Variants in MAP7 observed in about 807,000 individuals in gnomAD.
The protein encoded by MAP7 is microtubule associated protein 7.
In MAP7, 52 loss-of-function variants were observed where a neutral mutation model predicts 94.8. The observed-to-expected ratio is 0.55, with a 90% CI of 0.44 to 0.69. The LOEUF (loss-of-function observed/expected upper bound fraction) is 0.69, where lower values mean the gene tolerates loss of function less well. Among genes scored for constraint, MAP7 ranks in the 30% least tolerant of loss-of-function variants. The probability of loss-of-function intolerance (pLI) is 0.00; values close to 1 mark genes in which losing one functional copy is unlikely to be tolerated. For synonymous variants in MAP7, 350 were observed against 357.0 expected, an observed-to-expected ratio of 0.98 and a Z score of 0.22; for missense variants, 940 against 964.6, an observed-to-expected ratio of 0.97 and a Z score of 0.34.
chr6:136,528,347 A>G (rs542217514), intron 1 of MAP7, among the ~76,000 whole-genome samples: 157 of 152,368 alleles, frequency 1.0e-3, no homozygotes, highest in African/African-American at 3.7e-3. Flanking sequence ...GTAAACTTTT[A>G]TTCTTGAATG....
At chr6:136,384,774 T>C (rs1220675907) in intron 5 of MAP7, among the ~76,000 whole-genome samples, 1 of 152,168 alleles carries the variant, frequency 6.6e-6, no homozygotes, top group East Asian at 1.9e-4. Context: ...CATGAGCCAC[T>C]GTGCCTGGCA....
At chr6:136,407,480 A>C (rs1221695830) in intron 3 of MAP7, among the ~76,000 whole-genome samples, 3 of 152,250 alleles carry the variant, frequency 2.0e-5, no homozygotes, top group African/African-American at 7.2e-5. Context: ...CTAGGAGTAT[A>C]AAGAACAACA....
intron 1 of MAP7, among the ~76,000 whole-genome samples, chr6:136,520,199 C>CAAAA (rs61528866): frequency 1.5e-5 from 1 of 65,828 alleles, no homozygotes; most frequent in African/African-American, 5.1e-5. Context: ...GAGTTTGCCT[C>CAAAA]AAAAAAAAAA....
At chr6:136,385,887 C>T (rs1430271587) in intron 5 of MAP7, among the ~76,000 whole-genome samples, 1 of 152,226 alleles carries the variant, frequency 6.6e-6, no homozygotes, top group Non-Finnish European at 1.5e-5. Context: ...TCTCCTGCCT[C>T]AACCTCCTGA....
chr6:136,549,269 CA>C (rs967105794), intron 1 of MAP7, among the ~76,000 whole-genome samples: 1 of 152,106 alleles, frequency 6.6e-6, no homozygotes, highest in African/African-American at 2.4e-5. Context: ...AAGTGGAAAA[CA>C]GCTTGCAATT....
At chr6:136,377,620 A>G (rs1776561975) in intron 7 of MAP7, 135 bp downstream of exon 7, 11 of 646,496 alleles carry the variant, frequency 1.7e-5, no homozygotes, top group Non-Finnish European at 3.0e-5. Flanking sequence ...CAGGGGTATG[A>G]AACCAACACC....
chr6:136,404,166 AACCAGGAGT>A (rs1386133746), intron 3 of MAP7, among the ~76,000 whole-genome samples: 16 of 152,352 alleles, frequency 1.1e-4, no homozygotes, highest in African/African-American at 3.8e-4. Context: ...TCCCAATTCT[AACCAGGAGT>A]ACAGCATTAT....
chr6:136,351,365 T>C (rs755498123), intron 16 of MAP7, among the ~76,000 whole-genome samples: 4 of 152,216 alleles, frequency 2.6e-5, no homozygotes, highest in Non-Finnish European at 5.9e-5. Flanking sequence ...GTGTACTGTG[T>C]GTTTTCTGGA....
chr6:136,386,808 A>C (rs1052742626), intron 5 of MAP7, among the ~76,000 whole-genome samples: 1 of 152,206 alleles, frequency 6.6e-6, no homozygotes, highest in Non-Finnish European at 1.5e-5. Context: ...ACAAATTTTT[A>C]ATTTTTTAAA....
intron 3 of MAP7, among the ~76,000 whole-genome samples, chr6:136,395,919 C>T (rs549403145): frequency 5.8e-4 from 88 of 152,106 alleles, no homozygotes; most frequent in Non-Finnish European, 1.1e-3. Context: ...GTCTATGTGT[C>T]TGTTTTTATG....
rs1830020317 is a variant in MAP7, at chr6:136,550,075, C to A, written c.67+267G>T. On this transcript the variant is annotated intron_variant, in intron 1 of 17. Coordinates refer to ENST00000354570, the MANE Select transcript of MAP7 (RefSeq NM_003980.6). The surrounding 1 kb of genome is among the most constrained non-coding windows in gnomAD (Gnocchi z 5.1). ...CGTTTCCTCCCCCGGCTCGCCTCCA[C>A]CTGTTGCGGGAAAGTCGCGGTGGAG... 6.6e-6 allele frequency among the ~76,000 whole-genome samples: 1 copy of A among 151,746 alleles called. No homozygotes were observed. Among genetic ancestry groups the A allele is most frequent in the South Asian group, 2.1e-4 (1 of 4,826 alleles).
chr6:136,528,033 A>C (rs1828145274), intron 1 of MAP7, among the ~76,000 whole-genome samples: 1 of 152,230 alleles, frequency 6.6e-6, no homozygotes, highest in Non-Finnish European at 1.5e-5. Context: ...TGGGCCTGAG[A>C]AAGCAAGTGA....
intron 1 of MAP7, among the ~76,000 whole-genome samples, chr6:136,463,768 T>C (rs995518794): frequency 3.9e-5 from 6 of 152,324 alleles, no homozygotes; most frequent in Non-Finnish European, 8.8e-5. Flanking sequence ...GAGATTTGCC[T>C]GTGGTCAGGC....
intron 1 of MAP7, among the ~76,000 whole-genome samples, chr6:136,523,864 CT>C (rs1386181342): frequency 2.0e-5 from 3 of 152,242 alleles, no homozygotes; most frequent in Admixed American, 6.5e-5. Context: ...CTTTCCTCCC[CT>C]TTCTCTTCCT....
At chr6:136,537,110 T>C (rs549651255) in intron 1 of MAP7, among the ~76,000 whole-genome samples, 33 of 152,336 alleles carry the variant, frequency 2.2e-4, no homozygotes, top group African/African-American at 7.7e-4. Context: ...AGATTTGTGT[T>C]GCACACTTGC....
intron 1 of MAP7, among the ~76,000 whole-genome samples, chr6:136,487,440 G>C (rs1275179015): frequency 2.6e-5 from 4 of 152,170 alleles, no homozygotes; most frequent in African/African-American, 7.2e-5. Context: ...GCCAGGTGCA[G>C]TGGCTCACAC....
chr6:136,361,079 CCTT>C lies in MAP7; in HGVS notation c.1624_1626del (p.Lys542del), dbSNP rs761003759. The C allele has an allele frequency of 2.7e-5, 43 of 1,603,000 alleles. No homozygotes were observed. In the African/African-American group the frequency reaches 5.3e-4, roughly 20 times the overall value. ...TCCGCCTGCCGCTGCAGCTGCTCCT[CCTT>C]CTCCCGGGCCTGCTCGGCTTCCAGC... On this transcript the variant is annotated inframe_deletion, in exon 12 of 18. Coordinates refer to ENST00000354570, the MANE Select transcript of MAP7 (RefSeq NM_003980.6).
chr6:136,515,991 G>C (rs1468123446), intron 1 of MAP7, among the ~76,000 whole-genome samples: 1 of 152,006 alleles, frequency 6.6e-6, no homozygotes, highest in East Asian at 1.9e-4. Flanking sequence ...TTAGTTGCTG[G>C]GGGCACAGTG....
intron 1 of MAP7, among the ~76,000 whole-genome samples, chr6:136,452,810 T>A (rs1801600778): frequency 6.6e-6 from 1 of 152,172 alleles, no homozygotes; most frequent in Admixed American, 6.5e-5. Flanking sequence ...TCCTCGTCTT[T>A]CCAAAGTGCT....
Sources: gnomAD v4.1 joint callset for allele counts (sites outside exome capture counted in the v4.1 genomes callset) on GRCh38, gnomAD v4.1.1 for gene constraint, Gnocchi (gnomAD v3.1) non-coding constraint, MANE v1.5 for transcripts, NCBI Gene and HGNC (gene_info 2026-07-23, HGNC 2026-07-21) for gene names.